DGKI: variants seen among roughly 807,000 people sequenced by gnomAD.
The protein encoded by DGKI is diacylglycerol kinase iota.
In DGKI, 55 loss-of-function variants were observed where a neutral mutation model predicts 147.5. The ratio of observed to expected loss-of-function variants is 0.37; its 90% CI spans 0.30 to 0.47. The LOEUF (loss-of-function observed/expected upper bound fraction) is 0.47. DGKI is among the 20% of genes least tolerant of loss of function. DGKI has a pLI of 1.00. For missense variants in DGKI, 1,007 were observed against 1,323.8 expected (o/e 0.76, Z 3.71); for synonymous variants, 469 against 477.1 (o/e 0.98, Z 0.22).
intron 20 of DGKI, among the ~76,000 whole-genome samples, chr7:137,541,342 C>A (rs1442400804): frequency 6.6e-6 from 1 of 152,088 alleles, no homozygotes; most frequent in Non-Finnish European, 1.5e-5. Flanking sequence ...TGAAAATATT[C>A]AGAAAAATAG....
Position 137,846,434 on chromosome 7 carries a change from G to C in DGKI, c.401+28C>G, listed in dbSNP as rs764214066. ...GTGGGTCTCCCGCCGCGGCGCACCT[G>C]TCTCGGCTGCCGGCTCCCCGCACCT... On this transcript the variant is annotated intron_variant, in intron 1 of 32. Transcript: ENST00000614521. The surrounding 1 kb of genome is among the most constrained non-coding windows in gnomAD (Gnocchi z 4.0). 5 of 1,537,058 alleles carry C rather than the reference G, an allele frequency of 3.3e-6. No individual in the cohort carries two copies. The African/African-American group carries it at 7.0e-5, about 21-fold the overall frequency.
intron 28 of DGKI, among the ~76,000 whole-genome samples, chr7:137,434,687 A>G (rs4728415): frequency 0.42 from 64,499 of 151,770 alleles, 14,275 homozygotes; most frequent in East Asian, 0.74. Context: ...AAAGCATTCC[A>G]GAAAAACCAG....
Position 137,737,964 on chromosome 7 carries a change from G to C in DGKI, c.402-47962C>G, listed in dbSNP as rs80319745. Among the ~76,000 whole-genome samples the C allele has an allele frequency of 8.9e-3, 1,357 of 152,200 alleles. 17 individuals are homozygous for C. Among genetic ancestry groups the C allele is most frequent in the African/African-American group, 0.031 (1,282 of 41,528 alleles). ...CACAAGTTCTGTGCAAAGAACTGGG[G>C]ATAACACAAGGGATAAGACAGAAAC... On this transcript the variant is annotated intron_variant, in intron 1 of 32. Transcript: ENST00000614521.
intron 31 of DGKI, chr7:137,395,945 T>C: frequency 2.1e-6 from 1 of 473,904 alleles, no homozygotes; most frequent in South Asian, 3.5e-5. Context: ...TTAGTAATTT[T>C]TTTAAAAGCT....
At chr7:137,598,186 A>G (rs1321483435) in intron 11 of DGKI, among the ~76,000 whole-genome samples, 1 of 152,156 alleles carries the variant, frequency 6.6e-6, no homozygotes, top group Non-Finnish European at 1.5e-5. Flanking sequence ...CATAACTTCT[A>G]TTATATGTCA....
intron 21 of DGKI, chr7:137,493,685 A>G (rs1815855918): frequency 1.4e-6 from 1 of 693,118 alleles, no homozygotes; most frequent in Non-Finnish European, 2.6e-6. Context: ...CATCTAAAAG[A>G]TAGCAACTTC....
chr7:137,702,029 G>T (rs955874607), intron 1 of DGKI, among the ~76,000 whole-genome samples: 2 of 151,966 alleles, frequency 1.3e-5, no homozygotes, highest in African/African-American at 4.8e-5. Flanking sequence ...CTTCAACAGA[G>T]GTATTGAAAC....
chr7:137,680,813 C>T (rs996008077), intron 2 of DGKI, among the ~76,000 whole-genome samples: 3 of 152,070 alleles, frequency 2.0e-5, no homozygotes, highest in African/African-American at 7.2e-5. Context: ...GGAATATACA[C>T]TAAATGACAT....
intron 27 of DGKI, among the ~76,000 whole-genome samples, chr7:137,459,086 A>G (rs1814318111): frequency 6.6e-6 from 1 of 152,212 alleles, no homozygotes; most frequent in Non-Finnish European, 1.5e-5. Context: ...AGGTATGTGT[A>G]TATCTTTCTT....
intron 21 of DGKI, among the ~76,000 whole-genome samples, chr7:137,488,885 T>G (rs568038019): frequency 6.6e-6 from 1 of 152,308 alleles, no homozygotes; most frequent in South Asian, 2.1e-4. Flanking sequence ...CTTAGTCATT[T>G]GAAAACTATA....
chr7:137,429,120 G>A (rs1812950331), intron 28 of DGKI, among the ~76,000 whole-genome samples: 1 of 152,144 alleles, frequency 6.6e-6, no homozygotes, highest in Non-Finnish European at 1.5e-5. Flanking sequence ...AAAGAACAAA[G>A]CTGGAGGAAT....
intron 1 of DGKI, chr7:137,774,986 T>G (rs1006604241): frequency 6.6e-6 from 1 of 152,180 alleles, no homozygotes; most frequent in African/African-American, 2.4e-5. Context: ...TGTTCTCAAG[T>G]CTTTCCATTC....
intron 1 of DGKI, among the ~76,000 whole-genome samples, chr7:137,845,787 G>T (rs1798696617): frequency 6.6e-6 from 1 of 152,094 alleles, no homozygotes; most frequent in Non-Finnish European, 1.5e-5. Flanking sequence ...CCCCTAGCTT[G>T]CCAGCGGGCT....
chr7:137,523,602 T>A (rs1817041507), intron 20 of DGKI, among the ~76,000 whole-genome samples: 1 of 152,170 alleles, frequency 6.6e-6, no homozygotes, highest in South Asian at 2.1e-4. Flanking sequence ...CAGAGATGGA[T>A]ATTTCTGGGG....
chr7:137,663,720 G>A (rs990403704), intron 3 of DGKI, among the ~76,000 whole-genome samples: 2 of 152,114 alleles, frequency 1.3e-5, no homozygotes, highest in African/African-American at 4.8e-5. Context: ...CATGAGAAGG[G>A]GAAACAGAAC....
chr7:137,393,066 A>G (rs962351449), intron 32 of DGKI, among the ~76,000 whole-genome samples: 3 of 152,204 alleles, frequency 2.0e-5, no homozygotes, highest in African/African-American at 4.8e-5. Context: ...AGAGAGAAAA[A>G]CAGGCATATC....
chr7:137,410,181 G>A (rs988739177), intron 29 of DGKI, among the ~76,000 whole-genome samples: 12 of 152,098 alleles, frequency 7.9e-5, no homozygotes, highest in South Asian at 2.1e-4. Flanking sequence ...CAAGGCAAGC[G>A]GATCACAAGG....
At chr7:137,661,828 A>G (rs1822446136) in intron 3 of DGKI, among the ~76,000 whole-genome samples, 1 of 152,108 alleles carries the variant, frequency 6.6e-6, no homozygotes, top group Non-Finnish European at 1.5e-5. Context: ...TGGCGGGGCT[A>G]ATGGAATGCT....
At chr7:137,829,684 T>C (rs769446868) in intron 1 of DGKI, among the ~76,000 whole-genome samples, 5 of 152,224 alleles carry the variant, frequency 3.3e-5, no homozygotes, top group Non-Finnish European at 7.3e-5. Flanking sequence ...ATAGCCTTTG[T>C]ACTTAAAATA....
Sources: allele counts gnomAD v4.1 joint callset (sites outside exome capture counted in the v4.1 genomes callset), GRCh38; gene constraint gnomAD v4.1.1; non-coding constraint Gnocchi (gnomAD v3.1); transcripts MANE v1.5; gene names NCBI Gene and HGNC (gene_info 2026-07-23, HGNC 2026-07-21).